The following EVC2 variants were observed in gnomAD, a reference collection of about 807,000 sequenced individuals.
EVC2 encodes EvC ciliary complex subunit 2.
EVC2 carries 148 observed loss-of-function variants against 149.3 expected under a neutral mutation model. That is an observed-to-expected ratio of 0.99 (90% CI 0.87 to 1.14). The LOEUF is 1.14. Ranked by LOEUF, EVC2 falls within the 50% of genes most tolerant of loss-of-function variation. EVC2 has a pLI of 0.00. For synonymous variants in EVC2, 776 were observed against 649.9 expected (o/e 1.19, Z -2.95); for missense variants, 1,854 against 1,627.3 (o/e 1.14, Z -2.40).
intron 10 of EVC2, among the ~76,000 whole-genome samples, chr4:5,634,339 C>T (rs1173760609): frequency 1.3e-5 from 2 of 152,150 alleles, no homozygotes; most frequent in Non-Finnish European, 2.9e-5. Flanking sequence ...GTCTGGGCAC[C>T]GCAGGGGCAT....
chr4:5,669,037 G>C (rs757684382), intron 7 of EVC2, among the ~76,000 whole-genome samples: 1 of 152,200 alleles, frequency 6.6e-6, no homozygotes, highest in Non-Finnish European at 1.5e-5. Context: ...GATGGAGGCA[G>C]ATACTGAGTG....
intron 6 of EVC2, among the ~76,000 whole-genome samples, chr4:5,682,150 G>A (rs1720388594): frequency 6.6e-6 from 1 of 152,164 alleles, no homozygotes; most frequent in South Asian, 2.1e-4. Flanking sequence ...TACTGCTATT[G>A]GTGGCTGTAG....
At chr4:5,701,273 A>G (rs1425123188) in intron 1 of EVC2, among the ~76,000 whole-genome samples, 1 of 152,172 alleles carries the variant, frequency 6.6e-6, no homozygotes, top group Non-Finnish European at 1.5e-5. Context: ...ACCATCAGAT[A>G]AACCTGAATA....
rs1024405388 is a variant in EVC2, at chr4:5,677,182, C to T, written c.870+4078G>A. The stretch of plus-strand genomic sequence containing the variant: ...TTTACAGCCCTTGATCCATTTACCT[C>T]AACAACCATCCTATGAAGTGAACGT... On this transcript the variant is annotated intron_variant, in intron 7 of 21. Transcript: ENST00000344408. The surrounding 1 kb of genome is among the most constrained non-coding windows in gnomAD (Gnocchi z 4.3). Among the ~76,000 whole-genome samples the T allele has an allele frequency of 1.3e-5, 2 of 152,186 alleles. No homozygotes were observed. The highest frequency in any genetic ancestry group is 2.9e-5 in the Non-Finnish European group (2 of 68,026).
intron 6 of EVC2, 102 bp downstream of exon 6, chr4:5,685,268 G>C (rs1350338069): frequency 9.0e-7 from 1 of 1,116,204 alleles, no homozygotes; most frequent in Non-Finnish European, 1.4e-6. Flanking sequence ...CATCACTGAA[G>C]GAAGGAAGGA....
At chr4:5,631,236 T>C (rs966300435) in intron 11 of EVC2, among the ~76,000 whole-genome samples, 1 of 152,168 alleles carries the variant, frequency 6.6e-6, no homozygotes, top group African/African-American at 2.4e-5. Flanking sequence ...CATATATGTA[T>C]ATTTTATTTG....
In EVC2 at chr4:5,625,685, C is replaced by G; in HGVS notation, c.2046+64G>C. The G allele has an allele frequency of 6.2e-7, 1 of 1,602,082 alleles. No homozygotes were observed. Among genetic ancestry groups the G allele is most frequent in the Non-Finnish European group, 8.5e-7 (1 of 1,171,128 alleles). On this transcript the variant is annotated intron_variant, in intron 13 of 21. Coordinates refer to ENST00000344408, the MANE Select transcript of EVC2 (RefSeq NM_147127.5). This position sits in a 1 kb window ranked among gnomAD's most constrained non-coding sequence, Gnocchi z 4.0. ...CCAATGGCAATGTCTGGCACAGTAC[C>G]TGGCACTTGATGGGTATCAGAAAGT...
chr4:5,559,231 C>T (rs914493183), downstream of EVC2, among the ~76,000 whole-genome samples: 7 of 151,866 alleles, frequency 4.6e-5, no homozygotes, highest in African/African-American at 9.7e-5. This position sits in a 1 kb window ranked among gnomAD's most constrained non-coding sequence, Gnocchi z 5.0. Context: ...AAAAAGAAAA[C>T]GGGAGAAAGC....
intron 16 of EVC2, 94 bp from the exon 17 acceptor site, chr4:5,584,944 G>A (rs1577118853): frequency 7.4e-7 from 1 of 1,349,716 alleles, no homozygotes; most frequent in African/African-American, 1.4e-5. Context: ...ACAGACCTGG[G>A]ATTCTGAGGA....
chr4:5,601,946 T>G (rs530094410), intron 16 of EVC2, among the ~76,000 whole-genome samples: 2 of 152,096 alleles, frequency 1.3e-5, no homozygotes, highest in Non-Finnish European at 2.9e-5. Flanking sequence ...ACATGTGTGA[T>G]GGTCCTGATA....
chr4:5,607,091 G>A (rs1215620517), intron 16 of EVC2, among the ~76,000 whole-genome samples: 1 of 152,124 alleles, frequency 6.6e-6, no homozygotes. Context: ...CCTATATTGT[G>A]TCTGGGAATC....
At chr4:5,535,453 G>A in the EVC2 span, among the ~76,000 whole-genome samples, 3,482 of 152,158 alleles carry the variant, frequency 0.023, 65 homozygotes, top group Non-Finnish European at 0.03. This position sits in a 1 kb window ranked among gnomAD's most constrained non-coding sequence, Gnocchi z 4.7. Flanking sequence ...CTTTAGGGAG[G>A]CACATATGGT....
chr4:5,635,029 CTTTTTTTTTTTTTT>C (rs34769603), intron 10 of EVC2, among the ~76,000 whole-genome samples: 1 of 71,442 alleles, frequency 1.4e-5, no homozygotes, highest in East Asian at 5.1e-4. Flanking sequence ...AACAAATGTG[CTTTTTTTTTTTTTT>C]TTTTTTTTTT....
chr4:5,568,476 G>A lies in EVC2; in HGVS notation c.3525C>T (p.Gly1175=), dbSNP rs767393828. The stretch of plus-strand genomic sequence containing the variant: ...TGCCCACGTCGGCCTGCTCCGCTCC[G>A]CCATCGCTCTCAGCTGCGTGGTCCA... The part of the protein sequence containing the change: ...RHVDHAAESD[G]GAEQADVGRR... Residue 1175 remains glycine, a synonymous_variant, in exon 20 of 22, where the codon GGC becomes GGT. Transcript: ENST00000344408. The A allele has an allele frequency of 4.4e-6, 7 of 1,576,386 alleles. No individual in the cohort carries two copies. Among genetic ancestry groups the A allele is most frequent in the East Asian group, 2.3e-5 (1 of 43,712 alleles).
intron 9 of EVC2, among the ~76,000 whole-genome samples, chr4:5,658,996 A>G (rs1414851152): frequency 6.6e-6 from 1 of 152,186 alleles, no homozygotes; most frequent in Admixed American, 6.5e-5. Flanking sequence ...ACAGTCAAGG[A>G]GCCTGATAAA....
intron 16 of EVC2, among the ~76,000 whole-genome samples, chr4:5,611,759 G>A (rs1238249894): frequency 6.6e-6 from 1 of 152,102 alleles, no homozygotes; most frequent in Non-Finnish European, 1.5e-5. Flanking sequence ...GTAAATGGTT[G>A]TGAAGATAAG....
At chr4:5,664,894 G>T (rs67727757) in intron 8 of EVC2, among the ~76,000 whole-genome samples, 50,304 of 151,406 alleles carry the variant, frequency 0.33, 8,460 homozygotes, top group African/African-American at 0.39. Context: ...TGGGTGATGG[G>T]GTACGTGTGG....
At chr4:5,691,192 T>C (rs1238746781) in intron 4 of EVC2, 73 bp downstream of exon 4, 5 of 1,323,296 alleles carry the variant, frequency 3.8e-6, no homozygotes, top group African/African-American at 1.4e-5. Flanking sequence ...CTTAAATACA[T>C]GACTCTAATA....
chr4:5,578,282 G>A (rs535883398), intron 17 of EVC2, among the ~76,000 whole-genome samples: 1 of 152,252 alleles, frequency 6.6e-6, no homozygotes, highest in East Asian at 1.9e-4. Flanking sequence ...AGAAGAAACA[G>A]CAACAATAAC....
Sources: allele counts gnomAD v4.1 joint callset (sites outside exome capture counted in the v4.1 genomes callset), GRCh38; gene constraint gnomAD v4.1.1; non-coding constraint Gnocchi (gnomAD v3.1); transcripts MANE v1.5; gene names NCBI Gene and HGNC (gene_info 2026-07-23, HGNC 2026-07-21).